CBLB: variants seen among roughly 807,000 people sequenced by gnomAD.
CBLB encodes E3 ubiquitin-protein ligase CBL-B.
In CBLB, 31 loss-of-function variants were observed where a neutral mutation model predicts 104.9. That is an observed-to-expected ratio of 0.30 (90% CI 0.22 to 0.40). CBLB has a LOEUF of 0.40. Among genes scored for constraint, CBLB ranks in the 10% least tolerant of loss-of-function variants. CBLB has a pLI of 1.00. For synonymous variants in CBLB, 440 were observed against 422.6 expected (o/e 1.04, Z -0.51); for missense variants, 1,062 against 1,214.6 (o/e 0.87, Z 1.87).
chr3:105,867,321 T>C lies in CBLB; in HGVS notation c.168+89A>G, dbSNP rs985620839. ...CAAAAGATTGTTGCCATAACAATGG[T>C]TGGTATTAATTAACAGTATAAATAA... On this transcript the variant is annotated intron_variant, in intron 2 of 18. Transcript: ENST00000394030. 4 of 1,128,502 alleles carry C rather than the reference T, an allele frequency of 3.5e-6. No homozygotes were observed. In the East Asian group the frequency reaches 7.0e-5, roughly 20 times the overall value. The allele number at this position is 1,128,502 out of a possible 1,614,324, so 69.9% of individuals were successfully genotyped here.
chr3:105,807,575 T>C (rs2083682264), intron 3 of CBLB, among the ~76,000 whole-genome samples: 1 of 152,158 alleles, frequency 6.6e-6, no homozygotes, highest in Non-Finnish European at 1.5e-5. Context: ...CATAATTTCA[T>C]CATAGTTGGA....
intron 16 of CBLB, among the ~76,000 whole-genome samples, chr3:105,680,278 A>G (rs967046189): frequency 6.6e-6 from 1 of 152,202 alleles, no homozygotes; most frequent in African/African-American, 2.4e-5. Context: ...AATGACACGC[A>G]TAAGAAGACC....
intron 3 of CBLB, among the ~76,000 whole-genome samples, chr3:105,839,133 A>C (rs1431036917): frequency 6.6e-6 from 1 of 152,176 alleles, no homozygotes; most frequent in African/African-American, 2.4e-5. Flanking sequence ...CTCTTTACCA[A>C]TATATGTGCA....
intron 1 of CBLB, chr3:105,868,097 G>A: frequency 1.9e-6 from 1 of 538,922 alleles, no homozygotes; most frequent in Non-Finnish European, 2.9e-6. Flanking sequence ...AAACGTAAGG[G>A]ACAGCTCTGT....
chr3:105,697,509 T>C (rs921450301), intron 12 of CBLB, among the ~76,000 whole-genome samples: 2 of 151,990 alleles, frequency 1.3e-5, no homozygotes, highest in Non-Finnish European at 2.9e-5. Flanking sequence ...CCCCTACACA[T>C]GCTACCTCAA....
intron 1 of CBLB, chr3:105,868,266 A>G: frequency 1.5e-5 from 18 of 1,226,342 alleles, no homozygotes; most frequent in Non-Finnish European, 1.8e-5. Flanking sequence ...AAAAATGACA[A>G]GAGCGGCCAC....
intron 10 of CBLB, among the ~76,000 whole-genome samples, chr3:105,708,050 A>T (rs1419447250): frequency 1.3e-5 from 2 of 152,072 alleles, no homozygotes; most frequent in African/African-American, 4.8e-5. Flanking sequence ...TATAGCTGGG[A>T]CCTGAATGTG....
chr3:105,705,821 T>C (rs2070031263), intron 10 of CBLB, among the ~76,000 whole-genome samples: 1 of 152,164 alleles, frequency 6.6e-6, no homozygotes, highest in African/African-American at 2.4e-5. Flanking sequence ...AATTTATGCG[T>C]CCTTTGTAAA....
chr3:105,674,212 ACTC>A (rs1354726777), intron 17 of CBLB, among the ~76,000 whole-genome samples: 1 of 152,106 alleles, frequency 6.6e-6, no homozygotes, highest in Non-Finnish European at 1.5e-5. Context: ...GGAGGACTTC[ACTC>A]CTCAGATTTG....
At position 105,724,137 on chromosome 3, in the gene CBLB, T is replaced by C. The variant is rs550587410; in HGVS notation, c.1204-3887A>G. On this transcript the variant is annotated intron_variant, in intron 9 of 18. Coordinates refer to ENST00000394030, the MANE Select transcript of CBLB (RefSeq NM_170662.5). ...ATGCACTGAGAATAGGTTGGATCCATACCAAGAATTTTCAAAGCACAGTAT... is the reference window on the plus strand; with the variant it reads ...ATGCACTGAGAATAGGTTGGATCCACACCAAGAATTTTCAAAGCACAGTAT... 3.4e-4 allele frequency: 60 copies of C among 174,684 alleles called. 2 individuals are homozygous for C. The South Asian group carries it at 0.012, about 34-fold the overall frequency. The allele number at this position is 174,684 out of a possible 1,614,324, so 10.8% of individuals were successfully genotyped here. A position where few individuals can be genotyped will look rare whatever the true frequency, so the allele number is the denominator to read the frequency against.
chr3:105,762,470 T>G (rs550824760), intron 4 of CBLB: 1 of 152,402 alleles, frequency 6.6e-6, no homozygotes, highest in South Asian at 2.1e-4. Context: ...CAGGACTTGG[T>G]GCCCTGCATC....
At chr3:105,771,096 A>G (rs1360353942) in intron 4 of CBLB, among the ~76,000 whole-genome samples, 3 of 152,204 alleles carry the variant, frequency 2.0e-5, no homozygotes, top group African/African-American at 7.2e-5. Flanking sequence ...ACATAACAAC[A>G]ACAAACTACA....
chr3:105,656,388 C>T lies in CBLB; in HGVS notation c.*2582G>A, dbSNP rs192007537. The T allele has an allele frequency of 6.9e-5, 14 of 201,544 alleles. 1 individual carries two copies. The East Asian group carries it at 9.2e-4, about 13-fold the overall frequency. The allele number at this position is 201,544 out of a possible 1,614,324, so 12.5% of individuals were successfully genotyped here. The stretch of plus-strand genomic sequence containing the variant: ...TCACTTCCAGACATCAACGAGCAGT[C>T]GCTTTTACAATAAAAAAAAATTTTT... On this transcript the variant is annotated 3_prime_UTR_variant, in exon 19 of 19. Transcript: ENST00000394030.
At chr3:105,782,369 T>C (rs7612706) in intron 3 of CBLB, among the ~76,000 whole-genome samples, 152,298 of 152,298 alleles carry the variant, frequency 1, 76,149 homozygotes, top group Non-Finnish European at 1. Flanking sequence ...CATTTTACTT[T>C]TTGGATACTA....
At position 105,656,758 on chromosome 3, in the gene CBLB, C is replaced by A. The variant is rs757743638; in HGVS notation, c.*2212G>T. On this transcript the variant is annotated 3_prime_UTR_variant, in exon 19 of 19. Transcript: ENST00000394030. ...TCTAACATTCTTATTTTACATCATT[C>A]TCTAATATATTAGGAATGTTGCAAC... 10 of 198,602 alleles carry A rather than the reference C, an allele frequency of 5.0e-5. No homozygotes were observed. The highest frequency in any genetic ancestry group is 1.7e-3 in the Middle Eastern group (1 of 596). 12.3% of individuals were successfully genotyped at this position (198,602 alleles called of 1,614,324 possible).
intron 10 of CBLB, among the ~76,000 whole-genome samples, chr3:105,713,529 TTA>T (rs1444731777): frequency 1.3e-5 from 2 of 152,138 alleles, no homozygotes; most frequent in East Asian, 3.9e-4. Flanking sequence ...CTCAAAACTT[TTA>T]GAGTTCAAGT....
intron 4 of CBLB, among the ~76,000 whole-genome samples, chr3:105,767,010 C>A (rs1257407323): frequency 1.3e-5 from 2 of 152,044 alleles, no homozygotes; most frequent in Non-Finnish European, 2.9e-5. Context: ...TATCTTGTTA[C>A]AATGAATTGA....
chr3:105,833,565 T>C (rs1356760064), intron 3 of CBLB, among the ~76,000 whole-genome samples: 1 of 152,330 alleles, frequency 6.6e-6, no homozygotes, highest in African/African-American at 2.4e-5. Context: ...GTTTTCTGAA[T>C]AAGAAATGCT....
intron 4 of CBLB, among the ~76,000 whole-genome samples, chr3:105,761,904 A>T (rs915251733): frequency 6.6e-6 from 1 of 152,150 alleles, no homozygotes; most frequent in Non-Finnish European, 1.5e-5. Context: ...GCTGATAGTG[A>T]TATGGACAAT....
Sources: allele counts gnomAD v4.1 joint callset (sites outside exome capture counted in the v4.1 genomes callset), GRCh38; gene constraint gnomAD v4.1.1; transcripts MANE v1.5; gene names NCBI Gene and HGNC (gene_info 2026-07-23, HGNC 2026-07-21).